The following MRE11 variants were observed in gnomAD, a reference collection of about 807,000 sequenced individuals.
MRE11 encodes double-strand break repair protein MRE11.
MRE11 carries 62 observed loss-of-function variants against 91.7 expected under a neutral mutation model. That is an observed-to-expected ratio of 0.68 (90% CI 0.55 to 0.84). The LOEUF (loss-of-function observed/expected upper bound fraction) is 0.84. MRE11 is among the 40% of genes least tolerant of loss of function. The probability of loss-of-function intolerance (pLI) is 0.00; values close to 1 mark genes in which losing one functional copy is unlikely to be tolerated. For missense variants in MRE11, 796 were observed against 852.9 expected (o/e 0.93, Z 0.83); for synonymous variants, 273 against 271.4 (o/e 1.01, Z -0.06).
At chr11:94,491,248 A>C (rs977795740) in intron 2 of MRE11, among the ~76,000 whole-genome samples, 5 of 152,230 alleles carry the variant, frequency 3.3e-5, no homozygotes, top group Admixed American at 2.6e-4. Flanking sequence ...TTACAAACTC[A>C]TGTAACCCAG....
intron 19 of MRE11, among the ~76,000 whole-genome samples, chr11:94,421,460 TAATA>T: frequency 6.6e-6 from 1 of 152,246 alleles, no homozygotes; most frequent in Non-Finnish European, 1.5e-5. Flanking sequence ...AAATGAAGTC[TAATA>T]GATAATTTGC....
At chr11:94,451,862 C>A (rs1393161046) in intron 14 of MRE11, among the ~76,000 whole-genome samples, 1 of 152,034 alleles carries the variant, frequency 6.6e-6, no homozygotes, top group Non-Finnish European at 1.5e-5. Context: ...AGAGAGGGCA[C>A]ACACACACAA....
At chr11:94,471,392 G>A (rs1381620852) in intron 8 of MRE11, among the ~76,000 whole-genome samples, 182 bp downstream of exon 8, 1 of 151,832 alleles carries the variant, frequency 6.6e-6, no homozygotes, top group Non-Finnish European at 1.5e-5. Context: ...TTTTGAAAAT[G>A]GCTTAAAATC....
intron 16 of MRE11, among the ~76,000 whole-genome samples, chr11:94,438,680 C>A (rs1349258940): frequency 5.9e-5 from 9 of 152,128 alleles, no homozygotes. Flanking sequence ...GAAAACTAAG[C>A]AATATGTTCT....
chr11:94,470,264 T>A (rs2135037526), intron 9 of MRE11, among the ~76,000 whole-genome samples: 1 of 152,086 alleles, frequency 6.6e-6, no homozygotes, highest in Non-Finnish European at 1.5e-5. Flanking sequence ...TAATTTTTTT[T>A]AACATCCAGT....
chr11:94,495,931 T>C (rs529098062), upstream of MRE11, among the ~76,000 whole-genome samples: 55 of 152,304 alleles, frequency 3.6e-4, no homozygotes, highest in Admixed American at 1.2e-3. Context: ...ATACCAGACA[T>C]TCTATTCATA....
At chr11:94,498,055 T>C, upstream of MRE11, 2 of 1,530,722 alleles carry the variant, frequency 1.3e-6, no homozygotes, top group Non-Finnish European at 1.8e-6. Context: ...GAAAGATTTC[T>C]TTTTTTTCTT....
Position 94,416,652 on chromosome 11 carries a change from TG to T in MRE11, c.*3472del, listed in dbSNP as rs1315778471. 1 of 144,612 alleles carries T rather than the reference TG, an allele frequency of 6.9e-6. No individual in the cohort carries two copies. The highest frequency in any genetic ancestry group is 1.5e-5 in the Non-Finnish European group (1 of 66,720). The allele number at this position is 144,612 out of a possible 1,614,324, so 9.0% of individuals were successfully genotyped here. On this transcript the variant is annotated 3_prime_UTR_variant, in exon 20 of 20. Coordinates refer to ENST00000323929, the MANE Select transcript of MRE11 (RefSeq NM_005591.4). Reference sequence around the variant, plus strand: ...CAAGGTCAGGAGATCGAGACCATCCTGGCTAACACAGAAAAACCCTGTCTCT... The same window carrying T: ...CAAGGTCAGGAGATCGAGACCATCCTGCTAACACAGAAAAACCCTGTCTCT...
At position 94,459,403 on chromosome 11, in the gene MRE11, C is replaced by G. The variant is rs1032485407; in HGVS notation, c.1500+5G>C. The G allele has an allele frequency of 1.2e-6, 2 of 1,613,662 alleles. No homozygotes were observed. The highest frequency in any genetic ancestry group is 1.3e-5 in the African/African-American group (1 of 74,934). On this transcript the variant is annotated splice_donor_5th_base_variant and intron_variant, in intron 13 of 19. Transcript: ENST00000323929. ...TAGACCTAGACACTCAAATTAGTTA[C>G]TTACCTCCTCATCGATTTTGTCTTC...
rs148944345 is a variant in MRE11, at chr11:94,485,518, C to T, written c.314+406G>A. ...CAGGTAGAAAAACAAACAAAAAAAT[C>T]TCAATTTTTAAAATAGGCAGAGGAT... On this transcript the variant is annotated intron_variant, in intron 4 of 19. Transcript: ENST00000323929. Among the ~76,000 whole-genome samples, 258 of 151,606 alleles carry T rather than the reference C, an allele frequency of 1.7e-3. 1 individual carries two copies. The East Asian group carries it at 0.02, about 11-fold the overall frequency.
chr11:94,465,029 C>T (rs1401529250), intron 10 of MRE11, among the ~76,000 whole-genome samples: 1 of 152,166 alleles, frequency 6.6e-6, no homozygotes, highest in African/African-American at 2.4e-5. Context: ...TCTCTCTTTG[C>T]ACCTCCACCT....
chr11:94,470,729 C>A, intron 8 of MRE11, 87 bp from the exon 9 acceptor site: 2 of 1,317,706 alleles, frequency 1.5e-6, no homozygotes, highest in Non-Finnish European at 2.2e-6. Context: ...TTCTTAGTTT[C>A]TAAAAATGCT....
intron 4 of MRE11, 83 bp downstream of exon 4, chr11:94,485,841 C>A: frequency 7.6e-7 from 1 of 1,323,756 alleles, no homozygotes; most frequent in Non-Finnish European, 1.1e-6. Flanking sequence ...ATATGGAAGG[C>A]AAAACAGTTG....
chr11:94,504,912 C>T, the MRE11 span, among the ~76,000 whole-genome samples: 1 of 152,132 alleles, frequency 6.6e-6, no homozygotes, highest in East Asian at 1.9e-4. Flanking sequence ...TTTCCATTTA[C>T]AGTCAGGCTT....
At chr11:94,445,732 A>G in intron 16 of MRE11, 78 bp downstream of exon 16, 1 of 1,058,014 alleles carries the variant, frequency 9.5e-7, no homozygotes, top group Non-Finnish European at 1.5e-6. Flanking sequence ...TGCAACACAA[A>G]TAAGGGCTAC....
the MRE11 span, among the ~76,000 whole-genome samples, chr11:94,504,983 T>C: frequency 1.1e-4 from 17 of 152,280 alleles, no homozygotes; most frequent in South Asian, 3.3e-3. Flanking sequence ...GGAGCTAAAA[T>C]TTCCTATCAC....
upstream of MRE11, chr11:94,498,364 C>T (rs1565246950): frequency 6.2e-7 from 1 of 1,613,408 alleles, no homozygotes; most frequent in Admixed American, 1.7e-5. Context: ...CTGCTGGGAA[C>T]AGAGACAGCA....
intron 19 of MRE11, among the ~76,000 whole-genome samples, chr11:94,424,428 T>C (rs947054285): frequency 5.9e-5 from 9 of 152,162 alleles, no homozygotes; most frequent in African/African-American, 1.9e-4. Flanking sequence ...AGTGCAAGAA[T>C]TCTGGCAATT....
chr11:94,504,740 T>C, the MRE11 span, among the ~76,000 whole-genome samples: 4 of 152,240 alleles, frequency 2.6e-5, no homozygotes, highest in African/African-American at 4.8e-5. Context: ...TTTAGATCTA[T>C]AGAATTAAAC....
Sources: gnomAD v4.1 joint callset for allele counts (sites outside exome capture counted in the v4.1 genomes callset) on GRCh38, gnomAD v4.1.1 for gene constraint, MANE v1.5 for transcripts, NCBI Gene and HGNC (gene_info 2026-07-23, HGNC 2026-07-21) for gene names.